DAAM1: variants seen among roughly 807,000 people sequenced by gnomAD.
DAAM1 encodes dishevelled associated activator of morphogenesis 1.
A neutral mutation model predicts 130.0 loss-of-function variants in DAAM1; 52 were observed. That is an observed-to-expected ratio of 0.40 (90% CI 0.32 to 0.50). The LOEUF is 0.50. Among genes scored for constraint, DAAM1 ranks in the 20% least tolerant of loss-of-function variants. DAAM1 has a pLI of 0.61. For synonymous variants in DAAM1, 452 were observed against 444.5 expected (o/e 1.02, Z -0.21); for missense variants, 1,134 against 1,303.8 (o/e 0.87, Z 2.01).
At chr14:59,274,952 G>A (rs934800372) in intron 2 of DAAM1, among the ~76,000 whole-genome samples, 8 of 152,214 alleles carry the variant, frequency 5.3e-5, no homozygotes, top group Non-Finnish European at 1.0e-4. Flanking sequence ...ATTACGTGGT[G>A]AAATAAATAG....
chr14:59,253,356 G>A (rs1256608416), intron 1 of DAAM1, among the ~76,000 whole-genome samples: 1 of 152,204 alleles, frequency 6.6e-6, no homozygotes, highest in East Asian at 1.9e-4. Flanking sequence ...GAGAAAGTTG[G>A]AGGTTTCTTA....
intron 16 of DAAM1, 83 bp downstream of exon 16, chr14:59,340,263 T>C: frequency 7.4e-7 from 1 of 1,342,890 alleles, no homozygotes. Flanking sequence ...GTGATTTTGT[T>C]TTAATTGTAC....
At chr14:59,196,813 T>C (rs1308730220) in intron 1 of DAAM1, among the ~76,000 whole-genome samples, 1 of 152,116 alleles carries the variant, frequency 6.6e-6, no homozygotes, top group African/African-American at 2.4e-5. Flanking sequence ...TTAAAGGAAA[T>C]GAAACAGCTT....
chr14:59,257,441 G>A (rs2757120), intron 1 of DAAM1, among the ~76,000 whole-genome samples: 148,312 of 151,858 alleles, frequency 0.98, 72,519 homozygotes, highest in East Asian at 1. Flanking sequence ...ATGTGTAACT[G>A]TCCTGGGAAA....
At position 59,369,290 on chromosome 14, in the gene DAAM1, A is replaced by T. The variant is rs1006388458; in HGVS notation, c.*431A>T. The stretch of plus-strand genomic sequence containing the variant: ...AAATATTTTATGGTTTCCAAGCTTG[A>T]TATCCTTTAAAATTATTTTCATTGA... On this transcript the variant is annotated 3_prime_UTR_variant, in exon 25 of 25. Transcript: ENST00000360909. 1.3e-5 allele frequency: 2 copies of T among 153,738 alleles called. No homozygotes were observed. The highest frequency in any genetic ancestry group is 2.9e-5 in the Non-Finnish European group (2 of 68,886). The allele number at this position is 153,738 out of a possible 1,614,324, so 9.5% of individuals were successfully genotyped here.
intron 21 of DAAM1, 107 bp downstream of exon 21, chr14:59,359,611 G>A (rs1886625647): frequency 1.4e-6 from 1 of 738,326 alleles, no homozygotes; most frequent in African/African-American, 1.8e-5. Flanking sequence ...GTTTTCCCCT[G>A]ATCATTGTAT....
chr14:59,370,826 T>A lies in DAAM1; in HGVS notation c.*1967T>A, dbSNP rs1395069254. The stretch of plus-strand genomic sequence containing the variant: ...CTGTTCCTTAACTAAAGTGCCTCTA[T>A]GTATATTCTTTTCTATTTGTAGCAG... On this transcript the variant is annotated 3_prime_UTR_variant, in exon 25 of 25. Transcript: ENST00000360909. 1.3e-5 allele frequency: 2 copies of A among 152,182 alleles called. No individual in the cohort carries two copies. The highest frequency in any genetic ancestry group is 2.9e-5 in the Non-Finnish European group (2 of 68,010). The allele number at this position is 152,182 out of a possible 1,614,324, so 9.4% of individuals were successfully genotyped here. A position where few individuals can be genotyped will look rare whatever the true frequency, so the allele number is the denominator to read the frequency against.
At chr14:59,216,402 A>G (rs1462159307) in intron 1 of DAAM1, among the ~76,000 whole-genome samples, 3 of 152,154 alleles carry the variant, frequency 2.0e-5, no homozygotes, top group Non-Finnish European at 4.4e-5. Flanking sequence ...AGAGTAGGCA[A>G]AAAAAGGATT....
intron 1 of DAAM1, among the ~76,000 whole-genome samples, chr14:59,219,994 G>A (rs1888719058): frequency 6.6e-6 from 1 of 152,192 alleles, no homozygotes; most frequent in Non-Finnish European, 1.5e-5. Flanking sequence ...TGCTATGGAT[G>A]TAGCTATTGG....
At chr14:59,323,321 T>A in intron 6 of DAAM1, 96 bp downstream of exon 6, 1 of 1,288,442 alleles carries the variant, frequency 7.8e-7, no homozygotes, top group Non-Finnish European at 1.1e-6. Flanking sequence ...TTACTTGAGA[T>A]GTCCTCTTGT....
At chr14:59,280,880 G>A (rs1172779736) in intron 2 of DAAM1, among the ~76,000 whole-genome samples, 1 of 152,052 alleles carries the variant, frequency 6.6e-6, no homozygotes, top group Non-Finnish European at 1.5e-5. Flanking sequence ...ATAGTTTTAA[G>A]TGCTATCATT....
intron 22 of DAAM1, among the ~76,000 whole-genome samples, chr14:59,361,753 G>T (rs1274159563): frequency 6.6e-6 from 1 of 152,116 alleles, no homozygotes; most frequent in Non-Finnish European, 1.5e-5. Context: ...AGCGTCCCTG[G>T]TGTCTGTGCT....
chr14:59,244,457 G>A (rs1305346189), intron 1 of DAAM1, among the ~76,000 whole-genome samples: 4 of 152,166 alleles, frequency 2.6e-5, no homozygotes, highest in South Asian at 2.1e-4. Flanking sequence ...TTGAGAAGCC[G>A]GGGGTGTATG....
intron 1 of DAAM1, among the ~76,000 whole-genome samples, chr14:59,208,265 A>C (rs1257901215): frequency 1.3e-5 from 2 of 152,214 alleles, no homozygotes; most frequent in Non-Finnish European, 2.9e-5. Context: ...GAGAAACCTT[A>C]AAAATTGAAT....
Position 59,323,163 on chromosome 14 carries a change from A to G in DAAM1, c.712A>G (p.Lys238Glu). The change falls in exon 6 of 25, where the codon AAG (lysine) becomes GAG (glutamate). Residue 238 changes from lysine (K) to glutamate (E), a missense_variant. Lys to Glu is a moderately conservative substitution (Grantham distance 56). Transcript: ENST00000360909. The stretch of plus-strand genomic sequence containing the variant: ...CGTGTGCCTGGTTCCCGGGGGCCAC[A>G]AGAAGGTTCTGCAGGCCATGCTGCA... Reference protein sequence around the residue: ...GAVCLVPGGHKKVLQAMLHYQ... With the variant: ...GAVCLVPGGHEKVLQAMLHYQ... The G allele has an allele frequency of 6.2e-7, 1 of 1,613,844 alleles. No homozygotes were observed. The highest frequency in any genetic ancestry group is 8.5e-7 in the Non-Finnish European group (1 of 1,179,894).
At chr14:59,250,638 C>A (rs1167907028) in intron 1 of DAAM1, among the ~76,000 whole-genome samples, 1 of 152,164 alleles carries the variant, frequency 6.6e-6, no homozygotes, top group Admixed American at 6.5e-5. Flanking sequence ...TCATTAGCCA[C>A]TTGAAAATCC....
intron 3 of DAAM1, 113 bp downstream of exon 3, chr14:59,291,419 ATG>A (rs1883736214): frequency 3.6e-6 from 3 of 837,260 alleles, no homozygotes; most frequent in Non-Finnish European, 5.5e-6. Flanking sequence ...ACCAGATTGA[ATG>A]TGTTATGTTG....
rs999369725 is a variant in DAAM1 at position 59,273,663 on chromosome 14, A to G, written c.183+10003A>G. On this transcript the variant is annotated intron_variant, in intron 2 of 24. Transcript: ENST00000360909. ...GTCGTTATAGTATACTGACATTCCCATTCTCTATGTGTCCTCATATAAGCC... is the reference window on the plus strand; with the variant it reads ...GTCGTTATAGTATACTGACATTCCCGTTCTCTATGTGTCCTCATATAAGCC... 1.4e-4 allele frequency among the ~76,000 whole-genome samples: 21 copies of G among 152,314 alleles called. No individual in the cohort carries two copies. In the East Asian group the frequency reaches 1.9e-3, roughly 14 times the overall value.
chr14:59,256,538 T>C (rs932629468), intron 1 of DAAM1, among the ~76,000 whole-genome samples: 3 of 152,220 alleles, frequency 2.0e-5, no homozygotes, highest in Non-Finnish European at 4.4e-5. Context: ...TGTAATGTTA[T>C]AGATGGATTG....
Sources: allele counts gnomAD v4.1 joint callset (sites outside exome capture counted in the v4.1 genomes callset), GRCh38; gene constraint gnomAD v4.1.1; transcripts MANE v1.5; gene names NCBI Gene and HGNC (gene_info 2026-07-23, HGNC 2026-07-21).